Variants in LGR5 observed in about 807,000 individuals in gnomAD.
LGR5 encodes leucine rich repeat containing G protein-coupled receptor 5, also known as leucine-rich repeat-containing G protein-coupled receptor 5.
In LGR5, 54 loss-of-function variants were observed where a neutral mutation model predicts 76.7. That is an observed-to-expected ratio of 0.70 (90% CI 0.57 to 0.88). The LOEUF is 0.88. Ranked by LOEUF, LGR5 falls within the 40% of genes least tolerant of loss-of-function variation. LGR5 has a pLI of 0.00. For missense variants in LGR5, 1,078 were observed against 1,073.3 expected (o/e 1.00, Z -0.06); for synonymous variants, 406 against 421.9 (o/e 0.96, Z 0.46).
intron 2 of LGR5, among the ~76,000 whole-genome samples, chr12:71,524,002 A>G (rs1875853430): frequency 1.3e-5 from 2 of 152,198 alleles, no homozygotes; most frequent in Non-Finnish European, 1.5e-5. Context: ...TGCAACAGAA[A>G]TATTCTAATG....
At chr12:71,576,637 C>T (rs1335407609) in intron 13 of LGR5, among the ~76,000 whole-genome samples, 1 of 152,150 alleles carries the variant, frequency 6.6e-6, no homozygotes, top group Non-Finnish European at 1.5e-5. Context: ...CGCACGGGCT[C>T]ATGAATTGAA....
At chr12:71,544,041 G>C (rs1481215268) in intron 4 of LGR5, among the ~76,000 whole-genome samples, 1 of 152,156 alleles carries the variant, frequency 6.6e-6, no homozygotes, top group East Asian at 1.9e-4. Flanking sequence ...GGTGATCTCT[G>C]AGCTCACCAA....
intron 1 of LGR5, among the ~76,000 whole-genome samples, chr12:71,480,135 G>A (rs140886017): frequency 0.011 from 1,724 of 152,092 alleles, 24 homozygotes; most frequent in Non-Finnish European, 0.018. Flanking sequence ...AGACCAAGGC[G>A]GGCAGATCAC....
At chr12:71,441,229 T>A (rs1392783559) in intron 1 of LGR5, among the ~76,000 whole-genome samples, 1 of 152,130 alleles carries the variant, frequency 6.6e-6, no homozygotes, top group African/African-American at 2.4e-5. Flanking sequence ...AACAGGTAGT[T>A]GGGTGAACGC....
intron 7 of LGR5, among the ~76,000 whole-genome samples, chr12:71,561,372 TCTTTA>T (rs944371741): frequency 3.9e-5 from 6 of 152,224 alleles, no homozygotes; most frequent in African/African-American, 1.4e-4. Flanking sequence ...ACTACTTAAA[TCTTTA>T]CTTCACTGCA....
At chr12:71,563,584 A>G (rs1878168109) in intron 8 of LGR5, among the ~76,000 whole-genome samples, 1 of 152,088 alleles carries the variant, frequency 6.6e-6, no homozygotes, top group Non-Finnish European at 1.5e-5. Flanking sequence ...AGCTCTCCTC[A>G]TTCACCCTAA....
At chr12:71,551,519 G>C (rs1453855581) in intron 4 of LGR5, among the ~76,000 whole-genome samples, 1 of 152,108 alleles carries the variant, frequency 6.6e-6, no homozygotes, top group Non-Finnish European at 1.5e-5. Context: ...CTTTGAAAAT[G>C]CAAATGTGTG....
At chr12:71,520,655 G>T (rs1875681002) in intron 2 of LGR5, among the ~76,000 whole-genome samples, 1 of 150,868 alleles carries the variant, frequency 6.6e-6, no homozygotes, top group Non-Finnish European at 1.5e-5. Context: ...CTCATAAGTG[G>T]GAGTTGAACA....
In LGR5 at chr12:71,485,018, A is replaced by G. The variant is rs373209320; in HGVS notation, c.213-19596A>G. ...AGAATTATCCTATAATTTAAAAACAAATTTTCAAGATAACTATAAACATCA... is the reference window on the plus strand; with the variant it reads ...AGAATTATCCTATAATTTAAAAACAGATTTTCAAGATAACTATAAACATCA... On this transcript the variant is annotated intron_variant, in intron 1 of 17. Coordinates refer to ENST00000266674, the MANE Select transcript of LGR5 (RefSeq NM_003667.4). Among the ~76,000 whole-genome samples the G allele has an allele frequency of 4.3e-4, 65 of 152,324 alleles. No homozygotes were observed. The South Asian group carries it at 6.2e-3, about 15-fold the overall frequency.
intron 1 of LGR5, among the ~76,000 whole-genome samples, chr12:71,462,252 A>G (rs1450102776): frequency 6.6e-6 from 1 of 152,138 alleles, no homozygotes; most frequent in African/African-American, 2.4e-5. Flanking sequence ...CAACAGCAGG[A>G]CTCATGCAGG....
At chr12:71,578,231 A>G (rs1486068606) in intron 14 of LGR5, among the ~76,000 whole-genome samples, 1 of 152,168 alleles carries the variant, frequency 6.6e-6, no homozygotes, top group East Asian at 1.9e-4. Flanking sequence ...TATTCAGCTG[A>G]AGTTTTTTAT....
intron 4 of LGR5, among the ~76,000 whole-genome samples, chr12:71,550,220 G>A (rs185777217): frequency 1.6e-4 from 24 of 151,174 alleles, no homozygotes; most frequent in African/African-American, 3.9e-4. Context: ...GCAAGATCTC[G>A]GCTCACTGCA....
Position 71,439,876 on chromosome 12 carries a change from C to A in LGR5, c.-205C>A, listed in dbSNP as rs1871667970. 3.7e-6 allele frequency: 2 copies of A among 537,998 alleles called. No homozygotes were observed. Among genetic ancestry groups the A allele is most frequent in the Admixed American group, 3.9e-5 (1 of 25,874 alleles). 33.3% of individuals were successfully genotyped at this position (537,998 alleles called of 1,614,324 possible). A position where few individuals can be genotyped will look rare whatever the true frequency, so the allele number is the denominator to read the frequency against. ...GCTGCAGCCAGGGCTGCTCCGAAGG[C>A]CGGCGTGGCGGCAACCGGCACCTCT... On this transcript the variant is annotated 5_prime_UTR_variant, in exon 1 of 18. Transcript: ENST00000266674.
At chr12:71,558,103 A>G (rs1038215281) in intron 6 of LGR5, among the ~76,000 whole-genome samples, 20 of 152,170 alleles carry the variant, frequency 1.3e-4, no homozygotes, top group African/African-American at 4.8e-4. Flanking sequence ...GCAAAGATGG[A>G]CTTGTCCAGG....
intron 2 of LGR5, among the ~76,000 whole-genome samples, chr12:71,508,852 C>T (rs1231234049): frequency 1.3e-5 from 2 of 150,980 alleles, no homozygotes; most frequent in Admixed American, 1.3e-4. Flanking sequence ...AAATTGTCTT[C>T]CTCTCTCCTT....
intron 3 of LGR5, 106 bp downstream of exon 3, chr12:71,524,583 G>A: frequency 6.0e-6 from 4 of 671,222 alleles, no homozygotes. Flanking sequence ...TAAATCCATG[G>A]GATAATTCAT....
intron 13 of LGR5, among the ~76,000 whole-genome samples, chr12:71,577,071 A>G (rs1878888396): frequency 3.3e-5 from 5 of 152,240 alleles, no homozygotes; most frequent in Non-Finnish European, 7.3e-5. Context: ...AATACCATTT[A>G]TTAAGGTAAC....
rs956390189 is a variant in LGR5, at chr12:71,583,897, C to T, written c.1887C>T (p.Ala629=). Reference sequence around the variant, plus strand: ...TTGGCAGCTTTGCACGACATGGTGCCTGGTGGGAGAATGGGGTTGGTTGCC... The same window carrying T: ...TTGGCAGCTTTGCACGACATGGTGCTTGGTGGGAGAATGGGGTTGGTTGCC... The part of the protein sequence containing the change: ...FTFGSFARHG[A]WWENGVGCHV... The change falls in exon 18 of 18, where the codon GCC becomes GCT. Residue 629 remains alanine, a synonymous_variant. Transcript: ENST00000266674. 6.2e-7 allele frequency: 1 copy of T among 1,614,008 alleles called. No homozygotes were observed. Among genetic ancestry groups the T allele is most frequent in the Admixed American group, 1.7e-5 (1 of 59,986 alleles).
chr12:71,553,219 C>T lies in LGR5; in HGVS notation c.575C>T (p.Thr192Ile), dbSNP rs1877583289. The stretch of plus-strand genomic sequence containing the variant: ...AGTTTATCGGCATTGCAAGCCATGA[C>T]CTTGGCCCTGAACAAAATACACCAC... ...FRSLSALQAM[T>I]LALNKIHHIP... The change falls in exon 5 of 18, where the codon ACC (threonine) becomes ATC (isoleucine). Residue 192 changes from threonine to isoleucine, a missense_variant. Thr to Ile is a moderately conservative substitution (Grantham distance 89, BLOSUM62 -1). Transcript: ENST00000266674. 3 of 1,613,778 alleles carry T rather than the reference C, an allele frequency of 1.9e-6. No individual in the cohort carries two copies. Among genetic ancestry groups the T allele is most frequent in the South Asian group, 1.1e-5 (1 of 91,076 alleles).
Sources: allele counts gnomAD v4.1 joint callset (sites outside exome capture counted in the v4.1 genomes callset), GRCh38; gene constraint gnomAD v4.1.1; transcripts MANE v1.5; gene names NCBI Gene and HGNC (gene_info 2026-07-23, HGNC 2026-07-21).